COL4A4: variants seen among roughly 807,000 people sequenced by gnomAD.
COL4A4 encodes the protein collagen alpha-4(IV) chain.
A neutral mutation model predicts 192.9 loss-of-function variants in COL4A4; 105 were observed. The observed-to-expected ratio is 0.54, with a 90% CI of 0.46 to 0.64. The LOEUF (loss-of-function observed/expected upper bound fraction) is 0.64. Among genes scored for constraint, COL4A4 ranks in the 30% least tolerant of loss-of-function variants. The pLI, the probability that COL4A4 is intolerant of heterozygous loss-of-function variation, is 0.00. For missense variants in COL4A4, 1,967 were observed against 2,169.3 expected (o/e 0.91, Z 1.85); for synonymous variants, 762 against 769.9 (o/e 0.99, Z 0.17).
intron 44 of COL4A4, among the ~76,000 whole-genome samples, chr2:227,016,731 T>C (rs1431584369): frequency 6.6e-6 from 1 of 152,180 alleles, no homozygotes; most frequent in Non-Finnish European, 1.5e-5. Context: ...CTCCATGCCC[T>C]GTGCTGGTTG....
At chr2:227,138,642 A>C (rs1042408164) in intron 4 of COL4A4, among the ~76,000 whole-genome samples, 5 of 152,114 alleles carry the variant, frequency 3.3e-5, no homozygotes, top group African/African-American at 1.2e-4. Flanking sequence ...CAAAACAAAA[A>C]AAAAAAAAAG....
rs886055729 is a variant in COL4A4 at position 227,118,698 on chromosome 2, C to T, written c.436G>A (p.Gly146Ser). 2 of 1,614,124 alleles carry T rather than the reference C, an allele frequency of 1.2e-6. No individual in the cohort carries two copies. Among genetic ancestry groups the T allele is most frequent in the Non-Finnish European group, 1.7e-6 (2 of 1,180,030 alleles). Residue 146 changes from glycine (G) to serine (S), a missense_variant, in exon 7 of 48, where the codon GGT becomes AGT. Transcript: ENST00000396625. ...CTTCCTCCTGGAAACCCTGGGTCAC[C>T]TCTTGAGCCATTGTGGCCACTCATA... ...PGMSGHNGSR[G>S]DPGFPGGRGA...
intron 37 of COL4A4, among the ~76,000 whole-genome samples, chr2:227,040,325 G>A (rs1970521152): frequency 6.6e-6 from 1 of 152,124 alleles, no homozygotes; most frequent in African/African-American, 2.4e-5. Context: ...ATCAGCTGTT[G>A]GTTCAGATAA....
rs529767366 is a variant in COL4A4, at chr2:227,020,520, G to A, written c.4216+1528C>T. 5.3e-5 allele frequency among the ~76,000 whole-genome samples: 8 copies of A among 152,298 alleles called. No homozygotes were observed. The South Asian group carries it at 1.5e-3, about 28-fold the overall frequency. On this transcript the variant is annotated intron_variant, in intron 44 of 47. Coordinates refer to ENST00000396625, the MANE Select transcript of COL4A4 (RefSeq NM_000092.5). Reference sequence around the variant, plus strand: ...GCTGTTTTGGTCACCACCTAAGAACGAGTCTGACTCCTGTTGAGAGGAACA... The same window carrying A: ...GCTGTTTTGGTCACCACCTAAGAACAAGTCTGACTCCTGTTGAGAGGAACA...
intron 44 of COL4A4, among the ~76,000 whole-genome samples, chr2:227,014,976 G>A (rs1964569698): frequency 1.4e-5 from 2 of 144,326 alleles, no homozygotes; most frequent in Admixed American, 7.4e-5. Context: ...TCAGCTCACT[G>A]CAACCTCCGC....
At chr2:227,126,732 C>T (rs62277805) in intron 4 of COL4A4, among the ~76,000 whole-genome samples, 3,117 of 152,226 alleles carry the variant, frequency 0.02, 59 homozygotes, top group Non-Finnish European at 0.031. Flanking sequence ...CCAAAATTTC[C>T]CAAACACCAA....
At chr2:227,084,186 G>T (rs189297813) in intron 22 of COL4A4, among the ~76,000 whole-genome samples, 2 of 152,254 alleles carry the variant, frequency 1.3e-5, no homozygotes, top group Admixed American at 6.5e-5. Context: ...ATATATGCTA[G>T]TCATAAGTAG....
At chr2:227,102,994 G>C in intron 14 of COL4A4, 146 bp from the exon 15 acceptor site, 4 of 1,074,392 alleles carry the variant, frequency 3.7e-6, no homozygotes, top group Non-Finnish European at 4.3e-6. Context: ...CTTTAGAATA[G>C]AAGCTCTATA....
At chr2:227,096,958 C>A (rs529213383) in intron 19 of COL4A4, among the ~76,000 whole-genome samples, 29 of 152,178 alleles carry the variant, frequency 1.9e-4, no homozygotes, top group Admixed American at 9.2e-4. Flanking sequence ...TAGATATTAA[C>A]AATAATATCT....
chr2:227,121,347 G>A (rs374234102), intron 4 of COL4A4, among the ~76,000 whole-genome samples, 199 bp from the exon 5 acceptor site: 15 of 152,120 alleles, frequency 9.9e-5, no homozygotes, highest in African/African-American at 3.4e-4. Context: ...AGGTTCACTC[G>A]AGCTCAGGAA....
At chr2:227,056,994 T>C (rs1975524709) in intron 29 of COL4A4, among the ~76,000 whole-genome samples, 1 of 152,184 alleles carries the variant, frequency 6.6e-6, no homozygotes, top group Admixed American at 6.5e-5. Context: ...CTGCACCTTG[T>C]ATTAGGAGAC....
At position 227,082,906 on chromosome 2, in the gene COL4A4, A is replaced by G. The variant is rs182624662; in HGVS notation, c.1624-719T>C. Among the ~76,000 whole-genome samples, 225 of 152,340 alleles carry G rather than the reference A, an allele frequency of 1.5e-3. 1 individual carries two copies. Among genetic ancestry groups the G allele is most frequent in the African/African-American group, 5.0e-3 (208 of 41,568 alleles). On this transcript the variant is annotated intron_variant, in intron 22 of 47. Transcript: ENST00000396625. ...TTGAGTCATACTTTTTAAGTGTTAC[A>G]TATTACTGAATATCAAACCATGTCA...
At chr2:227,062,439 C>T (rs1014259277) in intron 26 of COL4A4, 91 bp downstream of exon 26, 7 of 825,352 alleles carry the variant, frequency 8.5e-6, no homozygotes, top group African/African-American at 6.8e-5. Flanking sequence ...CCTAACTAGT[C>T]TGAGGATTCA....
chr2:227,084,917 A>C (rs2059508706), intron 22 of COL4A4, among the ~76,000 whole-genome samples: 1 of 152,148 alleles, frequency 6.6e-6, no homozygotes, highest in Non-Finnish European at 1.5e-5. Context: ...AGATCACCTG[A>C]GGTCAGGAGT....
At position 227,065,546 on chromosome 2, in the gene COL4A4, T is replaced by C. The variant is rs538684062; in HGVS notation, c.1988-2948A>G. ...GCTGGAGATCTGAGAACAGGCAGAC[T>C]GCCTCCTCAAGTGGGTCCCTGACCC... On this transcript the variant is annotated intron_variant, in intron 25 of 47. Transcript: ENST00000396625. Among the ~76,000 whole-genome samples, 444 of 152,320 alleles carry C rather than the reference T, an allele frequency of 2.9e-3. 2 individuals carry two copies. The highest frequency in any genetic ancestry group is 0.01 in the African/African-American group (424 of 41,566).
chr2:227,149,294 C>G (rs2063758685), intron 1 of COL4A4, among the ~76,000 whole-genome samples: 1 of 152,156 alleles, frequency 6.6e-6, no homozygotes, highest in Non-Finnish European at 1.5e-5. Context: ...ACTTTGAACA[C>G]CCAGATCTTT....
intron 44 of COL4A4, among the ~76,000 whole-genome samples, chr2:227,017,792 T>C (rs548808726): frequency 6.6e-6 from 1 of 152,326 alleles, no homozygotes; most frequent in East Asian, 1.9e-4. Flanking sequence ...AAAAGATTTT[T>C]TAATTTTTTT....
At chr2:227,138,133 AAATAAT>A (rs35550127) in intron 4 of COL4A4, among the ~76,000 whole-genome samples, 1 of 147,118 alleles carries the variant, frequency 6.8e-6, no homozygotes, top group Admixed American at 6.8e-5. Flanking sequence ...CCACCTCTAC[AAATAAT>A]AATAATAATA....
At chr2:227,040,239 AAAGGCAGGTGG>A (rs1970501578) in intron 37 of COL4A4, among the ~76,000 whole-genome samples, 2 of 152,346 alleles carry the variant, frequency 1.3e-5, no homozygotes, top group South Asian at 4.1e-4. Flanking sequence ...GTCAATGAGC[AAAGGCAGGTGG>A]AAGGAGAAAG....
Sources: gnomAD v4.1 joint callset for allele counts (sites outside exome capture counted in the v4.1 genomes callset) on GRCh38, gnomAD v4.1.1 for gene constraint, MANE v1.5 for transcripts, NCBI Gene and HGNC (gene_info 2026-07-23, HGNC 2026-07-21) for gene names.